Variants in NELL1 observed in about 807,000 individuals in gnomAD.
NELL1 encodes protein kinase C-binding protein NELL1.
A neutral mutation model predicts 107.4 loss-of-function variants in NELL1; 76 were observed. The ratio of observed to expected loss-of-function variants is 0.71; its 90% confidence interval spans 0.59 to 0.86. The LOEUF is 0.86. NELL1 is among the 40% of genes least tolerant of loss of function. The pLI is 0.00. For synonymous variants in NELL1, 353 were observed against 341.2 expected (o/e 1.03, Z -0.38); for missense variants, 1,024 against 1,005.5 (o/e 1.02, Z -0.25).
chr11:21,195,803 G>A (rs957037389), intron 13 of NELL1, among the ~76,000 whole-genome samples: 2 of 152,160 alleles, frequency 1.3e-5, no homozygotes, highest in Admixed American at 6.5e-5. Flanking sequence ...GCTAGTGGCT[G>A]CCATACTGGA....
intron 13 of NELL1, among the ~76,000 whole-genome samples, chr11:21,201,426 C>T (rs1020076057): frequency 5.9e-5 from 9 of 151,628 alleles, no homozygotes; most frequent in Admixed American, 3.3e-4. Context: ...ATTTGGCTCT[C>T]TGTCTATTAT....
At chr11:21,078,271 C>G (rs568007519) in intron 12 of NELL1, among the ~76,000 whole-genome samples, 1 of 151,920 alleles carries the variant, frequency 6.6e-6, no homozygotes, top group Admixed American at 6.6e-5. Context: ...ATTTTTCTTT[C>G]TATATGATGA....
chr11:21,282,456 G>T (rs1308125156), intron 14 of NELL1, among the ~76,000 whole-genome samples: 1 of 142,820 alleles, frequency 7.0e-6, no homozygotes, highest in African/African-American at 2.7e-5. Flanking sequence ...TCCAGCAGGG[G>T]CAACACAGTG....
At chr11:20,814,064 C>T (rs970519265) in intron 3 of NELL1, among the ~76,000 whole-genome samples, 14 of 151,806 alleles carry the variant, frequency 9.2e-5, no homozygotes, top group African/African-American at 1.2e-4. Flanking sequence ...GGTGCGATCT[C>T]GGCTCACTGC....
intron 15 of NELL1, among the ~76,000 whole-genome samples, chr11:21,500,105 TG>T (rs1373622515): frequency 6.6e-6 from 1 of 152,126 alleles, no homozygotes; most frequent in Non-Finnish European, 1.5e-5. Flanking sequence ...TTTGATCATC[TG>T]AAAAATATTA....
At chr11:21,557,532 T>C (rs980074608) in intron 16 of NELL1, among the ~76,000 whole-genome samples, 3 of 152,038 alleles carry the variant, frequency 2.0e-5, no homozygotes, top group African/African-American at 7.2e-5. Flanking sequence ...GTTGAAGTTA[T>C]ACTTCCAGAC....
At chr11:21,385,327 G>C (rs1373532860) in intron 15 of NELL1, among the ~76,000 whole-genome samples, 1 of 151,856 alleles carries the variant, frequency 6.6e-6, no homozygotes, top group Admixed American at 6.6e-5. Context: ...AATTTAACAA[G>C]AAGAAGCTCT....
intron 12 of NELL1, among the ~76,000 whole-genome samples, chr11:20,989,374 G>A (rs1590507103): frequency 1.3e-5 from 2 of 152,236 alleles, no homozygotes; most frequent in South Asian, 4.1e-4. Flanking sequence ...CACGCAGAAA[G>A]GTTATGAATA....
At chr11:21,311,925 G>A (rs904069630) in intron 14 of NELL1, among the ~76,000 whole-genome samples, 10 of 152,078 alleles carry the variant, frequency 6.6e-5, no homozygotes, top group African/African-American at 2.4e-4. Context: ...GATGTGATTA[G>A]GTTATAAGCT....
intron 15 of NELL1, among the ~76,000 whole-genome samples, chr11:21,447,201 G>A (rs929848615): frequency 3.3e-5 from 5 of 152,088 alleles, no homozygotes; most frequent in Admixed American, 1.3e-4. Context: ...GGGAATGTCC[G>A]GAAATGTCAT....
chr11:21,150,926 A>T (rs1856100822), intron 13 of NELL1, among the ~76,000 whole-genome samples: 1 of 152,142 alleles, frequency 6.6e-6, no homozygotes. Flanking sequence ...AAGGGGAAAT[A>T]AGCACCTTCT....
At chr11:20,776,981 T>C (rs1005219664) in intron 2 of NELL1, among the ~76,000 whole-genome samples, 2 of 152,250 alleles carry the variant, frequency 1.3e-5, no homozygotes, top group African/African-American at 4.8e-5. Context: ...TACAAATAGA[T>C]TGTTCATTCA....
Position 21,151,848 on chromosome 11 carries a change from C to T in NELL1, c.1426+38134C>T, listed in dbSNP as rs1019265552. ...TCAAATGAATAGCCCCAAGCATTCA[C>T]TCCATGTTGAAGTATTACACAAAGT... On this transcript the variant is annotated intron_variant, in intron 13 of 19. Coordinates refer to ENST00000357134, the MANE Select transcript of NELL1 (RefSeq NM_006157.5). 2.6e-5 allele frequency among the ~76,000 whole-genome samples: 4 copies of T among 152,204 alleles called. 1 individual carries two copies. The East Asian group carries it at 7.7e-4, about 29-fold the overall frequency.
At position 21,032,630 on chromosome 11, in the gene NELL1, C is replaced by G. The variant is rs937266379; in HGVS notation, c.1300+72070C>G. On this transcript the variant is annotated intron_variant, in intron 12 of 19. Coordinates refer to ENST00000357134, the MANE Select transcript of NELL1 (RefSeq NM_006157.5). Reference sequence around the variant, plus strand: ...GTCTCAAACTCCTGAACTTGTGATTCACCCGCCCCAGCCTCTCAAAGTGCT... The same window carrying G: ...GTCTCAAACTCCTGAACTTGTGATTGACCCGCCCCAGCCTCTCAAAGTGCT... Among the ~76,000 whole-genome samples the G allele has an allele frequency of 5.3e-5, 8 of 152,134 alleles. No homozygotes were observed. The East Asian group carries it at 1.5e-3, about 29-fold the overall frequency.
At chr11:20,754,462 C>T (rs999379851) in intron 2 of NELL1, among the ~76,000 whole-genome samples, 63 of 152,174 alleles carry the variant, frequency 4.1e-4, no homozygotes, top group Admixed American at 1.2e-3. Flanking sequence ...CAGCAACTTG[C>T]ACGAACACGT....
rs555617336 is a variant in NELL1 at position 21,056,540 on chromosome 11, AC to A, written c.1301-57048del. Among the ~76,000 whole-genome samples, 34 of 152,268 alleles carry A rather than the reference AC, an allele frequency of 2.2e-4. No individual in the cohort carries two copies. The East Asian group carries it at 6.6e-3, about 29-fold the overall frequency. ...TTCAGGGAACATTTTAGGAACACTA[AC>A]AAACTGTGGTTGTTATAATACAGTC... On this transcript the variant is annotated intron_variant, in intron 12 of 19. Coordinates refer to ENST00000357134, the MANE Select transcript of NELL1 (RefSeq NM_006157.5).
intron 6 of NELL1, 103 bp downstream of exon 6, chr11:20,918,357 T>C (rs1850303820): frequency 2.8e-6 from 2 of 710,074 alleles, no homozygotes; most frequent in Non-Finnish European, 5.0e-6. Context: ...AGTGTTGACT[T>C]CTGAGGTGCT....
chr11:21,226,215 A>G (rs935647752), intron 13 of NELL1, among the ~76,000 whole-genome samples: 12 of 152,212 alleles, frequency 7.9e-5, no homozygotes, highest in Admixed American at 2.6e-4. Flanking sequence ...TGGAAGTTCT[A>G]TGGCCTTTGT....
chr11:20,936,229 T>C (rs897028480), intron 9 of NELL1, among the ~76,000 whole-genome samples: 1 of 152,118 alleles, frequency 6.6e-6, no homozygotes, highest in East Asian at 1.9e-4. Flanking sequence ...GCCAGGACTG[T>C]GTACCATGTT....
Sources: gnomAD v4.1 joint callset for allele counts (sites outside exome capture counted in the v4.1 genomes callset) on GRCh38, gnomAD v4.1.1 for gene constraint, MANE v1.5 for transcripts, NCBI Gene and HGNC (gene_info 2026-07-23, HGNC 2026-07-21) for gene names.